CLSTN2: variants seen among roughly 807,000 people sequenced by gnomAD.
The protein encoded by CLSTN2 is calsyntenin-2.
In CLSTN2, 48 loss-of-function variants were observed where a neutral mutation model predicts 101.2. The ratio of observed to expected loss-of-function variants is 0.47; its 90% CI spans 0.38 to 0.60. The LOEUF is 0.60. Ranked by LOEUF, CLSTN2 falls within the 20% of genes least tolerant of loss-of-function variation. CLSTN2 has a pLI of 0.00. For missense variants in CLSTN2, 1,160 were observed against 1,238.2 expected (o/e 0.94, Z 0.95); for synonymous variants, 481 against 463.6 (o/e 1.04, Z -0.48).
intron 6 of CLSTN2, among the ~76,000 whole-genome samples, chr3:140,457,937 G>T (rs1480423957): frequency 6.6e-6 from 1 of 152,160 alleles, no homozygotes; most frequent in African/African-American, 2.4e-5. Context: ...AATTCCAGAA[G>T]CCTCTCCCAG....
intron 2 of CLSTN2, among the ~76,000 whole-genome samples, chr3:140,238,972 C>T (rs2086438242): frequency 6.6e-6 from 1 of 152,152 alleles, no homozygotes. Flanking sequence ...AGTTAGATTG[C>T]TCAGCTGAAT....
intron 5 of CLSTN2, among the ~76,000 whole-genome samples, chr3:140,441,484 T>G (rs1016966088): frequency 6.6e-6 from 1 of 152,270 alleles, no homozygotes; most frequent in African/African-American, 2.4e-5. Context: ...AACATCCCCA[T>G]GAGATGTAGT....
At chr3:140,552,500 C>T (rs984940959) in intron 10 of CLSTN2, among the ~76,000 whole-genome samples, 8 of 151,954 alleles carry the variant, frequency 5.3e-5, no homozygotes, top group Non-Finnish European at 8.8e-5. Flanking sequence ...CACATTCATG[C>T]GCTGTGACAG....
intron 1 of CLSTN2, among the ~76,000 whole-genome samples, chr3:139,937,801 T>C (rs1008181228): frequency 1.3e-5 from 2 of 152,050 alleles, no homozygotes; most frequent in African/African-American, 2.4e-5. Flanking sequence ...GTAAAAAGTT[T>C]ATTGGCCCTG....
At chr3:140,294,210 G>A (rs148078792) in intron 2 of CLSTN2, among the ~76,000 whole-genome samples, 1 of 152,326 alleles carries the variant, frequency 6.6e-6, no homozygotes, top group East Asian at 1.9e-4. Context: ...GCCTCAGCTT[G>A]TCAAGCTGGC....
chr3:140,424,380 G>A (rs73228982), intron 5 of CLSTN2, among the ~76,000 whole-genome samples: 9,404 of 152,214 alleles, frequency 0.062, 359 homozygotes, highest in African/African-American at 0.11. Context: ...CCCAGACCTA[G>A]AGAGGAACCT....
In CLSTN2 at chr3:140,490,131, C is replaced by CGT. The variant is rs1934324477; in HGVS notation, c.1344+23400_1344+23401insGT. Among the ~76,000 whole-genome samples, 5 of 37,054 alleles carry CGT rather than the reference C, an allele frequency of 1.3e-4. 1 individual carries two copies. Among genetic ancestry groups the CGT allele is most frequent in the East Asian group, 1.4e-3 (1 of 696 alleles). The allele number at this position is 37,054 out of a possible 152,430, so 24.3% of individuals were successfully genotyped here. On this transcript the variant is annotated intron_variant, in intron 8 of 16. Coordinates refer to ENST00000458420, the MANE Select transcript of CLSTN2 (RefSeq NM_022131.3). Reference sequence around the variant, plus strand: ...ATATATATATATACACACACACACACACACACACACACACACACACACACA... The same window carrying CGT: ...ATATATATATATACACACACACACACGTACACACACACACACACACACACACA...
intron 2 of CLSTN2, among the ~76,000 whole-genome samples, chr3:140,355,451 G>T (rs1347233950): frequency 6.6e-6 from 1 of 152,208 alleles, no homozygotes; most frequent in African/African-American, 2.4e-5. Flanking sequence ...CTGAGATGAT[G>T]CCTGGAATAA....
Position 140,444,457 on chromosome 3 carries a change from T to C in CLSTN2, c.788-4062T>C, listed in dbSNP as rs529689755. Among the ~76,000 whole-genome samples, 7 of 151,382 alleles carry C rather than the reference T, an allele frequency of 4.6e-5. 1 individual carries two copies. The South Asian group carries it at 1.0e-3, about 23-fold the overall frequency. On this transcript the variant is annotated intron_variant, in intron 5 of 16. Transcript: ENST00000458420. ...AAAAAAAAAAAATGCTACATGGCCT[T>C]GGGCAAGTCACACCAATTCTTAGGC...
chr3:140,354,446 G>A (rs547719864), intron 2 of CLSTN2, among the ~76,000 whole-genome samples: 40 of 152,190 alleles, frequency 2.6e-4, no homozygotes, highest in African/African-American at 8.4e-4. Flanking sequence ...TGACAACCAC[G>A]TATGCTTTAT....
chr3:140,375,281 CA>C (rs2087904500), intron 2 of CLSTN2, among the ~76,000 whole-genome samples: 1 of 152,164 alleles, frequency 6.6e-6, no homozygotes. Context: ...AAAGGGAGTT[CA>C]AAGGGAAAGG....
intron 2 of CLSTN2, among the ~76,000 whole-genome samples, chr3:140,357,437 C>A (rs1168281309): frequency 2.6e-5 from 4 of 152,160 alleles, no homozygotes; most frequent in Non-Finnish European, 5.9e-5. Context: ...GACGTCTTTC[C>A]AATGGACACA....
At chr3:140,496,873 C>A (rs939111562) in intron 8 of CLSTN2, among the ~76,000 whole-genome samples, 2 of 151,988 alleles carry the variant, frequency 1.3e-5, no homozygotes, top group Non-Finnish European at 2.9e-5. Context: ...GAGGCCGAGG[C>A]AGGTGGATCA....
At chr3:140,527,761 T>C (rs909100298) in intron 8 of CLSTN2, among the ~76,000 whole-genome samples, 12 of 152,172 alleles carry the variant, frequency 7.9e-5, no homozygotes, top group African/African-American at 2.9e-4. Context: ...AATCATGTCC[T>C]TTGTGGCAAC....
intron 8 of CLSTN2, among the ~76,000 whole-genome samples, chr3:140,468,895 G>T (rs1933770932): frequency 6.6e-6 from 1 of 152,130 alleles, no homozygotes; most frequent in African/African-American, 2.4e-5. Flanking sequence ...TGTCAGCTCA[G>T]GCTGCCATAA....
intron 2 of CLSTN2, among the ~76,000 whole-genome samples, chr3:140,252,506 G>A (rs540857250): frequency 2.0e-5 from 3 of 152,256 alleles, no homozygotes; most frequent in African/African-American, 7.2e-5. Flanking sequence ...ACACAGAAGG[G>A]CGTATAGATG....
chr3:140,148,208 A>G (rs1459568294), intron 1 of CLSTN2, among the ~76,000 whole-genome samples: 1 of 151,950 alleles, frequency 6.6e-6, no homozygotes, highest in African/African-American at 2.4e-5. Flanking sequence ...GGATCCTCTC[A>G]CTCTCCAGCT....
chr3:140,481,979 C>A (rs892600686), intron 8 of CLSTN2, among the ~76,000 whole-genome samples: 2 of 152,158 alleles, frequency 1.3e-5, no homozygotes, highest in Non-Finnish European at 2.9e-5. Context: ...GAACTTCCAA[C>A]ACTATGTTGA....
chr3:140,364,633 G>A (rs190704898), intron 2 of CLSTN2, among the ~76,000 whole-genome samples: 4 of 152,300 alleles, frequency 2.6e-5, no homozygotes, highest in African/African-American at 7.2e-5. Context: ...GAGCAAGAGA[G>A]TCTAGTCCCT....
Sources: gnomAD v4.1 joint callset for allele counts (sites outside exome capture counted in the v4.1 genomes callset) on GRCh38, gnomAD v4.1.1 for gene constraint, MANE v1.5 for transcripts, NCBI Gene and HGNC (gene_info 2026-07-23, HGNC 2026-07-21) for gene names.